TCHP: variants seen among roughly 807,000 people sequenced by gnomAD.
TCHP encodes the protein trichoplein keratin filament binding, also known as trichoplein keratin filament-binding protein.
A neutral mutation model predicts 88.7 loss-of-function variants in TCHP; 81 were observed. That is an observed-to-expected ratio of 0.91 (90% CI 0.76 to 1.10). TCHP has a LOEUF of 1.10. Among genes scored for constraint, TCHP ranks in the 50% least tolerant of loss-of-function variants. The pLI is 0.00. For missense variants in TCHP, 641 were observed against 632.1 expected, an observed-to-expected ratio of 1.01 and a Z score of -0.15; for synonymous variants, 232 against 232.5, an observed-to-expected ratio of 1.00 and a Z score of 0.02.
intron 3 of TCHP, 149 bp from the exon 4 acceptor site, chr12:109,904,588 A>G (rs2136069120): frequency 1.5e-6 from 1 of 666,662 alleles, no homozygotes; most frequent in Non-Finnish European, 2.6e-6. Context: ...AGAGCTGTGC[A>G]TGTGAAGCAT....
At chr12:109,911,272 G>C in intron 9 of TCHP, 37 bp downstream of exon 9, 2 of 1,227,322 alleles carry the variant, frequency 1.6e-6, no homozygotes, top group Non-Finnish European at 2.3e-6. Context: ...GATGCTCCTG[G>C]CCTCAACTCT....
Position 109,904,810 on chromosome 12 carries a change from T to G in TCHP, c.456+17T>G. The G allele has an allele frequency of 6.2e-7, 1 of 1,606,010 alleles. No homozygotes were observed. The highest frequency in any genetic ancestry group is 8.5e-7 in the Non-Finnish European group (1 of 1,174,660). Reference sequence around the variant, plus strand: ...CTTCGAGAGGTGAAAATCAGAGATCTCCATTGATTTATCTAAGTAGATGAA... The same window carrying G: ...CTTCGAGAGGTGAAAATCAGAGATCGCCATTGATTTATCTAAGTAGATGAA... On this transcript the variant is annotated intron_variant, in intron 4 of 12. Coordinates refer to ENST00000405876, the MANE Select transcript of TCHP (RefSeq NM_001143852.2).
At position 109,904,813 on chromosome 12, in the gene TCHP, A is replaced by G. The variant is rs759639122; in HGVS notation, c.456+20A>G. The G allele has an allele frequency of 1.9e-6, 3 of 1,603,696 alleles. No individual in the cohort carries two copies. In the African/African-American group the frequency reaches 4.0e-5, roughly 22 times the overall value. On this transcript the variant is annotated intron_variant, in intron 4 of 12. Transcript: ENST00000405876. ...CGAGAGGTGAAAATCAGAGATCTCC[A>G]TTGATTTATCTAAGTAGATGAAATC...
chr12:109,882,647 ATTTTTTTT>A, the TCHP span, among the ~76,000 whole-genome samples: 6 of 80,200 alleles, frequency 7.5e-5, no homozygotes, highest in South Asian at 2.0e-3. Context: ...AAGAGTTTGG[ATTTTTTTT>A]TTTTTTTTTT....
chr12:109,896,879 C>T (rs1869573798), upstream of TCHP, among the ~76,000 whole-genome samples: 1 of 152,150 alleles, frequency 6.6e-6, no homozygotes, highest in Non-Finnish European at 1.5e-5. Context: ...CGCACCACTG[C>T]ACTCCATCAG....
In TCHP at chr12:109,916,975, TTTAA is replaced by T. The variant is rs1295784381; in HGVS notation, c.*355_*358del. 1 of 219,014 alleles carries T rather than the reference TTTAA, an allele frequency of 4.6e-6. No homozygotes were observed. The allele number at this position is 219,014 out of a possible 1,614,324, so 13.6% of individuals were successfully genotyped here. A position where few individuals can be genotyped will look rare whatever the true frequency, so the allele number is the denominator to read the frequency against. ...GCGTGTGGTTTCCTGTTGTCTCACC[TTTAA>T]TTGTCAACCTCCAGTGTTGACTCTA... On this transcript the variant is annotated 3_prime_UTR_variant, in exon 13 of 13. Coordinates refer to ENST00000405876, the MANE Select transcript of TCHP (RefSeq NM_001143852.2).
chr12:109,901,019 CCT>C (rs764087942), intron 1 of TCHP: 4 of 152,288 alleles, frequency 2.6e-5, no homozygotes, highest in Non-Finnish European at 5.9e-5. Flanking sequence ...TCAGGCAATT[CCT>C]CTCTCTAGGT....
the TCHP span, among the ~76,000 whole-genome samples, chr12:109,885,838 T>C: frequency 6.6e-6 from 1 of 151,768 alleles, no homozygotes; most frequent in Non-Finnish European, 1.5e-5. Context: ...AATGCAGTGG[T>C]GCAATCATAG....
the TCHP span, among the ~76,000 whole-genome samples, chr12:109,893,341 T>C: frequency 8.2e-3 from 1,244 of 150,954 alleles, 21 homozygotes; most frequent in African/African-American, 0.028. Context: ...ATCTGCACCA[T>C]TGCACTCCAG....
chr12:109,907,249 G>A (rs954625603), intron 5 of TCHP, among the ~76,000 whole-genome samples: 1 of 152,206 alleles, frequency 6.6e-6, no homozygotes, highest in Non-Finnish European at 1.5e-5. Flanking sequence ...TCGTAAACTC[G>A]CAGCCCTGGC....
Sources: allele counts gnomAD v4.1 joint callset (sites outside exome capture counted in the v4.1 genomes callset), GRCh38; gene constraint gnomAD v4.1.1; transcripts MANE v1.5; gene names NCBI Gene and HGNC (gene_info 2026-07-23, HGNC 2026-07-21).